Variants in ADA2 observed in about 807,000 individuals in gnomAD.
ADA2 encodes the protein adenosine deaminase 2.
A neutral mutation model predicts 44.2 loss-of-function variants in ADA2; 29 were observed. The observed-to-expected ratio is 0.66, with a 90% CI of 0.49 to 0.89. ADA2 has a LOEUF of 0.89. ADA2 is among the 40% of genes least tolerant of loss of function. The pLI, the probability that ADA2 is intolerant of heterozygous loss-of-function variation, is 0.00. For synonymous variants in ADA2, 215 were observed against 234.9 expected (o/e 0.92, Z 0.77); for missense variants, 637 against 644.8 (o/e 0.99, Z 0.13).
chr22:17,215,537 C>T (rs375663880), intron 1 of ADA2, among the ~76,000 whole-genome samples: 3 of 150,160 alleles, frequency 2.0e-5, no homozygotes, highest in African/African-American at 4.9e-5. Context: ...ACCCAGGAGG[C>T]GGAGGTTGCA....
intron 6 of ADA2, among the ~76,000 whole-genome samples, chr22:17,189,105 T>C (rs1219478072): frequency 6.7e-6 from 1 of 148,660 alleles, no homozygotes; most frequent in Non-Finnish European, 1.5e-5. Context: ...CTGCAACCTC[T>C]GCCTCCTGAG....
intron 4 of ADA2, chr22:17,199,723 C>G: frequency 6.6e-7 from 1 of 1,520,498 alleles, no homozygotes; most frequent in East Asian, 2.5e-5. Context: ...CCAGCCACCC[C>G]TTACTACCTA....
chr22:17,182,566 G>A, intron 8 of ADA2, 38 bp downstream of exon 8: 1 of 1,605,844 alleles, frequency 6.2e-7, no homozygotes, highest in Non-Finnish European at 8.5e-7. Flanking sequence ...TGTGGTTAGG[G>A]GAGATCATAT....
rs146788085 is a variant in ADA2, at chr22:17,189,964, G to A, written c.950C>T (p.Thr317Met). 1.1e-4 allele frequency: 171 copies of A among 1,613,636 alleles called. No individual in the cohort carries two copies. Among genetic ancestry groups the A allele is most frequent in the Non-Finnish European group, 1.3e-4 (149 of 1,179,546 alleles). The change falls in exon 6 of 10, where the codon ACG becomes ATG. Residue 317 changes from threonine (T) to methionine (M), a missense_variant. Coordinates refer to ENST00000399837, the MANE Select transcript of ADA2 (RefSeq NM_001282225.2). Reference protein sequence around the residue: ...MAMGLRIKFPTVVAGFDLVGH... With the variant: ...MAMGLRIKFPMVVAGFDLVGH... Reference sequence around the variant, plus strand: ...TACCAGGTCAAACCCTGCCACCACCGTGGGGAACTTGATTCGGAGCCCCAT... The same window carrying A: ...TACCAGGTCAAACCCTGCCACCACCATGGGGAACTTGATTCGGAGCCCCAT...
At chr22:17,182,520 T>C (rs556167233) in intron 8 of ADA2, 84 bp downstream of exon 8, 2 of 1,335,982 alleles carry the variant, frequency 1.5e-6, no homozygotes, top group Non-Finnish European at 2.1e-6. Context: ...TAAGGAGAGA[T>C]AAGTTATACA....
intron 4 of ADA2, among the ~76,000 whole-genome samples, chr22:17,201,139 G>A (rs2062280568): frequency 6.6e-6 from 1 of 151,778 alleles, no homozygotes; most frequent in African/African-American, 2.4e-5. Flanking sequence ...AACCTGGGAG[G>A]TGGAGGTTGC....
chr22:17,199,446 T>TACCTCCCCTCCTCTATCCTCTTCCCCA, intron 4 of ADA2: 1 of 917,624 alleles, frequency 1.1e-6, no homozygotes, highest in Admixed American at 1.8e-5. Context: ...CCTCTTCCCC[T>TACCTCCCCTCCTCTATCCTCTTCCCCA]CCACCCACGA....
chr22:17,211,101 C>A (rs926024073), intron 1 of ADA2, among the ~76,000 whole-genome samples: 10 of 151,996 alleles, frequency 6.6e-5, no homozygotes, highest in African/African-American at 2.4e-4. Context: ...GTGGCTCACG[C>A]CTGTAATCCC....
At chr22:17,188,868 A>AAAAAAATATATATATATATATATATATAT in intron 6 of ADA2, 5 of 81,126 alleles carry the variant, frequency 6.2e-5, no homozygotes, top group Non-Finnish European at 1.4e-4. Flanking sequence ...AAGAGCAAAA[A>AAAAAAATATATATATATATATATATATAT]ATATATATAT....
chr22:17,193,536 G>A (rs374145794), intron 4 of ADA2, among the ~76,000 whole-genome samples: 9 of 151,336 alleles, frequency 5.9e-5, no homozygotes, highest in Admixed American at 1.3e-4. Context: ...GTGGTGGTGC[G>A]TGCCTGTAGT....
chr22:17,221,333 A>C (rs1181016562), upstream of ADA2, among the ~76,000 whole-genome samples: 1 of 151,986 alleles, frequency 6.6e-6, no homozygotes, highest in East Asian at 1.9e-4. Context: ...ACATGTGCAC[A>C]ATGTGCAGGT....
chr22:17,200,884 A>AAAAAAAAAAC (rs1332058709), intron 4 of ADA2, among the ~76,000 whole-genome samples: 6 of 149,238 alleles, frequency 4.0e-5, no homozygotes, highest in African/African-American at 1.5e-4. Context: ...CTCTGCCTCA[A>AAAAAAAAAAC]AAAAAAAAAA....
At chr22:17,217,521 C>G (rs1480565277) in intron 1 of ADA2, among the ~76,000 whole-genome samples, 1 of 152,180 alleles carries the variant, frequency 6.6e-6, no homozygotes, top group Admixed American at 6.6e-5. Context: ...CCTGGGTTAT[C>G]TATTTGAATT....
Position 17,203,777 on chromosome 22 carries a change from T to C in ADA2, c.543-4A>G. The C allele has an allele frequency of 6.2e-7, 1 of 1,610,164 alleles. No individual in the cohort carries two copies. ...CAGAGTGAAATTCCTCAGCAAGCTG[T>C]CCAAGACACGAAGTGGGGAGTGGCA... On this transcript the variant is annotated splice_region_variant and splice_polypyrimidine_tract_variant and intron_variant, in intron 3 of 9. Coordinates refer to ENST00000399837, the MANE Select transcript of ADA2 (RefSeq NM_001282225.2).
intron 4 of ADA2, 124 bp from the exon 5 acceptor site, chr22:17,191,934 C>T (rs928646785): frequency 3.1e-6 from 3 of 978,306 alleles, no homozygotes; most frequent in African/African-American, 3.3e-5. Context: ...TTCCCAGCCA[C>T]CCCTTCCCAG....
In ADA2 at chr22:17,181,889, A is replaced by T. The variant is rs748893301; in HGVS notation, c.1373T>A (p.Val458Asp). 12 of 1,613,934 alleles carry T rather than the reference A, an allele frequency of 7.4e-6. No homozygotes were observed. Among genetic ancestry groups the T allele is most frequent in the Middle Eastern group, 1.6e-4 (1 of 6,066 alleles). ...AKGLSYDFYE[V>D]FMGIGGMKAD... is the part of the protein sequence containing the mutation. ...CTTCATCCCCCCAATGCCCATGAAG[A>T]CCTCATAGAAATCATAGGACAAGCC... is the stretch of plus-strand genomic sequence containing the variant. The change falls in exon 9 of 10, where the codon GTC becomes GAC. Residue 458 changes from valine (V) to aspartate (D), a missense_variant. Physicochemically the swap from Val to Asp is radical, Grantham distance 152. Transcript: ENST00000399837.
At chr22:17,198,427 G>A (rs1427293831) in intron 4 of ADA2, among the ~76,000 whole-genome samples, 1 of 152,162 alleles carries the variant, frequency 6.6e-6, no homozygotes, top group East Asian at 1.9e-4. Flanking sequence ...TGTCAAAAAG[G>A]GAGCAGTTAA....
chr22:17,183,078 T>TTTG (rs905305159), intron 7 of ADA2, among the ~76,000 whole-genome samples: 40 of 152,088 alleles, frequency 2.6e-4, no homozygotes, highest in South Asian at 1.0e-3. Context: ...AACCGAGTTT[T>TTTG]TTGTTGTTGT....
rs759684773 is a variant in ADA2 at position 17,188,092 on chromosome 22, AG to A, written c.1081+246del. On this transcript the variant is annotated intron_variant, in intron 7 of 9. Transcript: ENST00000399837. The stretch of plus-strand genomic sequence containing the variant: ...GACTCCGTAAAAAAAAGAAAAAAAA[AG>A]AAGAAGAAGAAAAGAAAACAGGAAG... Among the ~76,000 whole-genome samples the A allele has an allele frequency of 1.7e-3, 177 of 102,886 alleles. 2 individuals are homozygous for A. The highest frequency in any genetic ancestry group is 7.4e-3 in the East Asian group (15 of 2,026). 67.5% of individuals were successfully genotyped at this position (102,886 alleles called of 152,430 possible).
Sources: allele counts gnomAD v4.1 joint callset (sites outside exome capture counted in the v4.1 genomes callset), GRCh38; gene constraint gnomAD v4.1.1; transcripts MANE v1.5; gene names NCBI Gene and HGNC (gene_info 2026-07-23, HGNC 2026-07-21).